Variants in NOS1AP observed in about 807,000 individuals in gnomAD.
NOS1AP encodes nitric oxide synthase 1 adaptor protein.
NOS1AP carries 21 observed loss-of-function variants against 56.2 expected under a neutral mutation model. The ratio of observed to expected loss-of-function variants is 0.37; its 90% CI spans 0.26 to 0.54. The LOEUF is 0.54. NOS1AP is among the 20% of genes least tolerant of loss of function. The probability of loss-of-function intolerance (pLI) is 0.84; values close to 1 mark genes in which losing one functional copy is unlikely to be tolerated. For synonymous variants in NOS1AP, 270 were observed against 274.6 expected (o/e 0.98, Z 0.17); for missense variants, 522 against 657.8 (o/e 0.79, Z 2.26).
chr1:162,127,516 T>G (rs1648542379), intron 1 of NOS1AP, among the ~76,000 whole-genome samples: 1 of 149,974 alleles, frequency 6.7e-6, no homozygotes, highest in Admixed American at 6.6e-5. Context: ...AACCTGAGAC[T>G]GGGTACTTTA....
rs1312015159 is a variant in NOS1AP, at chr1:162,368,467, A to T, written c.*1000A>T. The stretch of plus-strand genomic sequence containing the variant: ...AAAAAAAAAAGAAAAAAGAGAAAGA[A>T]AAAAAAGAATGAATGCAAGCTGATA... On this transcript the variant is annotated 3_prime_UTR_variant, in exon 10 of 10. Transcript: ENST00000361897. The T allele has an allele frequency of 6.6e-6, 1 of 152,050 alleles. No homozygotes were observed. The highest frequency in any genetic ancestry group is 1.5e-5 in the Non-Finnish European group (1 of 68,038). The allele number at this position is 152,050 out of a possible 1,614,324, so 9.4% of individuals were successfully genotyped here.
chr1:162,365,666 G>T lies in NOS1AP; in HGVS notation c.1105+97G>T, dbSNP rs892622991. On this transcript the variant is annotated intron_variant, in intron 9 of 9. Coordinates refer to ENST00000361897, the MANE Select transcript of NOS1AP (RefSeq NM_014697.3). ...TTTGGTGGTGCTTTCTTGGACCCCT[G>T]ACCTACCCCTATATTCCAGCAGAAA... The T allele has an allele frequency of 4.9e-6, 7 of 1,439,110 alleles. No homozygotes were observed. The African/African-American group carries it at 8.4e-5, about 17-fold the overall frequency. 89.1% of individuals were successfully genotyped at this position (1,439,110 alleles called of 1,614,324 possible). A position where few individuals can be genotyped will look rare whatever the true frequency, so the allele number is the denominator to read the frequency against.
At chr1:162,295,462 A>G (rs541544937) in intron 3 of NOS1AP, among the ~76,000 whole-genome samples, 1 of 152,212 alleles carries the variant, frequency 6.6e-6, no homozygotes, top group African/African-American at 2.4e-5. Context: ...TTGATTTATA[A>G]TCCCATAGGT....
In NOS1AP at chr1:162,261,504, G is replaced by GA. The variant is rs1553200067; in HGVS notation, c.178-25839dup. ...AGAGAGAGAGAGAGAGAGAGAGAGA[G>GA]AGAGAGAGAGAGAGAGAGAGAGAGA... On this transcript the variant is annotated intron_variant, in intron 2 of 9. Coordinates refer to ENST00000361897, the MANE Select transcript of NOS1AP (RefSeq NM_014697.3). Among the ~76,000 whole-genome samples, 23 of 11,140 alleles carry GA rather than the reference G, an allele frequency of 2.1e-3. 7 individuals carry two copies. The highest frequency in any genetic ancestry group is 0.012 in the African/African-American group (19 of 1,552). 7.3% of individuals were successfully genotyped at this position (11,140 alleles called of 152,430 possible). A position where few individuals can be genotyped will look rare whatever the true frequency, so the allele number is the denominator to read the frequency against.
At chr1:162,271,539 A>T (rs1428002877) in intron 2 of NOS1AP, among the ~76,000 whole-genome samples, 1 of 152,208 alleles carries the variant, frequency 6.6e-6, no homozygotes, top group Admixed American at 6.5e-5. Flanking sequence ...CATTAATATT[A>T]TGGAAGAGTA....
Position 162,294,151 on chromosome 1 carries a change from G to T in NOS1AP, c.271-6482G>T, listed in dbSNP as rs1359117167. ...GCCTGCCCCTGAGTGCAAGAGAGAG[G>T]GGAAGAAGGAAGGAAGGCAGGTAGG... On this transcript the variant is annotated intron_variant, in intron 3 of 9. Coordinates refer to ENST00000361897, the MANE Select transcript of NOS1AP (RefSeq NM_014697.3). Among the ~76,000 whole-genome samples the T allele has an allele frequency of 9.9e-5, 15 of 150,766 alleles. No individual in the cohort carries two copies. In the South Asian group the frequency reaches 1.5e-3, roughly 15 times the overall value.
intron 1 of NOS1AP, among the ~76,000 whole-genome samples, chr1:162,084,871 C>T (rs1470921104): frequency 6.6e-6 from 1 of 152,006 alleles, no homozygotes; most frequent in Non-Finnish European, 1.5e-5. Flanking sequence ...TGCCATGTTG[C>T]TCAGGCTGGT....
intron 4 of NOS1AP, among the ~76,000 whole-genome samples, chr1:162,327,120 G>A (rs941221235): frequency 1.3e-5 from 2 of 152,166 alleles, no homozygotes; most frequent in Non-Finnish European, 2.9e-5. Flanking sequence ...GAGAAAAAGG[G>A]GTGTGAAGGA....
chr1:162,302,662 A>C (rs1032714491), intron 4 of NOS1AP, among the ~76,000 whole-genome samples: 30 of 152,208 alleles, frequency 2.0e-4, no homozygotes, highest in African/African-American at 7.0e-4. Flanking sequence ...TAATAGCTTC[A>C]TTGAGGTATA....
At chr1:162,261,511 A>AAGGCAAT (rs778383324) in intron 2 of NOS1AP, among the ~76,000 whole-genome samples, 1 of 21,310 alleles carries the variant, frequency 4.7e-5, no homozygotes, top group African/African-American at 1.4e-4. Context: ...AGAGAGAGAG[A>AAGGCAAT]GAGAGAGAGA....
intron 2 of NOS1AP, among the ~76,000 whole-genome samples, chr1:162,272,730 A>G (rs1284178447): frequency 6.6e-6 from 1 of 152,130 alleles, no homozygotes; most frequent in Non-Finnish European, 1.5e-5. Context: ...AAACCAACAA[A>G]GTAGTTGGTT....
At chr1:162,257,338 G>A (rs185193370) in intron 2 of NOS1AP, among the ~76,000 whole-genome samples, 40 of 152,208 alleles carry the variant, frequency 2.6e-4, no homozygotes, top group African/African-American at 9.6e-4. Context: ...GCTGGAGGTA[G>A]CTACTGAAGA....
chr1:162,346,702 T>C (rs1657306919), intron 6 of NOS1AP, among the ~76,000 whole-genome samples: 1 of 152,238 alleles, frequency 6.6e-6, no homozygotes, highest in African/African-American at 2.4e-5. Context: ...TTTGGATATA[T>C]ATTAGTTATA....
intron 2 of NOS1AP, among the ~76,000 whole-genome samples, chr1:162,194,946 G>A (rs1651758216): frequency 6.6e-6 from 1 of 152,118 alleles, no homozygotes; most frequent in Non-Finnish European, 1.5e-5. Flanking sequence ...TCCCCTGGAT[G>A]TATTATTGCA....
intron 2 of NOS1AP, among the ~76,000 whole-genome samples, chr1:162,177,091 A>G (rs1651087632): frequency 1.3e-5 from 2 of 152,232 alleles, no homozygotes; most frequent in South Asian, 4.1e-4. Flanking sequence ...CTGCCCATAT[A>G]CTGACCTGTT....
chr1:162,219,130 G>T (rs958903141), intron 2 of NOS1AP, among the ~76,000 whole-genome samples: 1 of 152,080 alleles, frequency 6.6e-6, no homozygotes, highest in Non-Finnish European at 1.5e-5. Flanking sequence ...GCTCTCTCTC[G>T]CTGAGTAAGC....
chr1:162,260,560 T>G (rs1208968676), intron 2 of NOS1AP, among the ~76,000 whole-genome samples: 2 of 152,240 alleles, frequency 1.3e-5, no homozygotes, highest in Non-Finnish European at 2.9e-5. Flanking sequence ...ATTTGATGAC[T>G]AACACATACA....
At chr1:162,246,269 G>T (rs1653659065) in intron 2 of NOS1AP, among the ~76,000 whole-genome samples, 1 of 152,094 alleles carries the variant, frequency 6.6e-6, no homozygotes, top group Non-Finnish European at 1.5e-5. Flanking sequence ...ATAAGATATG[G>T]CCCAGTCCTG....
rs1351090789 is a variant in NOS1AP, at chr1:162,367,396, C to A, written c.1450C>A (p.Leu484Met). 6.3e-7 allele frequency: 1 copy of A among 1,599,772 alleles called. No individual in the cohort carries two copies. Residue 484 changes from leucine (L) to methionine (M), a missense_variant, in exon 10 of 10, where the codon CTG becomes ATG. Physicochemically the swap from Leu to Met is conservative, Grantham distance 15 (BLOSUM62 2). Around this residue, in one of 4 missense-constraint regions of NOS1AP, gnomAD observed 160 missense variants for 180.3 expected, o/e 0.89. Coordinates refer to ENST00000361897, the MANE Select transcript of NOS1AP (RefSeq NM_014697.3). The surrounding 1 kb of genome is among the most constrained non-coding windows in gnomAD (Gnocchi z 6.5). ...GCGCGACTCGTGGTCCCAGGAGGAGCTGCCGCGCCTGCTGAATGTCCTGCA... is the reference window on the plus strand; with the variant it reads ...GCGCGACTCGTGGTCCCAGGAGGAGATGCCGCGCCTGCTGAATGTCCTGCA... The part of the protein sequence containing the change: ...EERDSWSQEE[L>M]PRLLNVLQRQ...
Sources: gnomAD v4.1 joint callset for allele counts (sites outside exome capture counted in the v4.1 genomes callset) on GRCh38, gnomAD v4.1.1 for gene constraint, gnomAD v4.1.1 regional missense constraint, Gnocchi (gnomAD v3.1) non-coding constraint, MANE v1.5 for transcripts, NCBI Gene and HGNC (gene_info 2026-07-23, HGNC 2026-07-21) for gene names.